Variants in DIAPH3 observed in about 807,000 individuals in gnomAD.
DIAPH3 encodes the protein diaphanous related formin 3.
A neutral mutation model predicts 144.3 loss-of-function variants in DIAPH3; 117 were observed. The observed-to-expected ratio is 0.81, with a 90% CI of 0.70 to 0.95. The LOEUF (loss-of-function observed/expected upper bound fraction) is 0.95. Ranked by LOEUF, DIAPH3 falls within the 40% of genes least tolerant of loss-of-function variation. The pLI, the probability that DIAPH3 is intolerant of heterozygous loss-of-function variation, is 0.00. For missense variants in DIAPH3, 1,421 were observed against 1,412.7 expected, an observed-to-expected ratio of 1.01 and a Z score of -0.09; for synonymous variants, 519 against 488.9, an observed-to-expected ratio of 1.06 and a Z score of -0.81.
chr13:59,865,592 C>T (rs2043870330), intron 21 of DIAPH3, among the ~76,000 whole-genome samples: 1 of 151,952 alleles, frequency 6.6e-6, no homozygotes, highest in Non-Finnish European at 1.5e-5. Flanking sequence ...CTTTAAGGTA[C>T]ATTTAACGTG....
chr13:59,785,140 A>G (rs1452615904), intron 25 of DIAPH3, among the ~76,000 whole-genome samples: 2 of 152,210 alleles, frequency 1.3e-5, no homozygotes, highest in Non-Finnish European at 2.9e-5. Context: ...TTAACTGATA[A>G]AATGATAATC....
chr13:59,763,815 G>A (rs996264864), intron 27 of DIAPH3, among the ~76,000 whole-genome samples: 7 of 151,858 alleles, frequency 4.6e-5, no homozygotes, highest in Admixed American at 3.9e-4. Flanking sequence ...CATATTAAAT[G>A]TTTTCCTCAA....
At chr13:59,701,059 T>C (rs1477540491) in intron 27 of DIAPH3, among the ~76,000 whole-genome samples, 4 of 152,296 alleles carry the variant, frequency 2.6e-5, no homozygotes, top group East Asian at 1.9e-4. Flanking sequence ...TGTATGTATA[T>C]ATACATTGCA....
chr13:59,676,741 C>T (rs895580728), intron 27 of DIAPH3, among the ~76,000 whole-genome samples: 1 of 152,076 alleles, frequency 6.6e-6, no homozygotes, highest in Non-Finnish European at 1.5e-5. Context: ...TCATAGACTC[C>T]TAAAAAATTT....
chr13:60,008,962 TA>T (rs1242162408), intron 8 of DIAPH3, among the ~76,000 whole-genome samples: 6 of 152,150 alleles, frequency 3.9e-5, no homozygotes, highest in Non-Finnish European at 8.8e-5. Flanking sequence ...GTAGGTACTA[TA>T]ATTAACCCGT....
intron 22 of DIAPH3, among the ~76,000 whole-genome samples, chr13:59,844,261 A>C (rs1237134182): frequency 3.9e-5 from 6 of 152,080 alleles, no homozygotes; most frequent in African/African-American, 1.4e-4. Context: ...TTTATGTCTT[A>C]AAAATCTTAA....
At chr13:60,094,554 G>A (rs915412314) in intron 3 of DIAPH3, among the ~76,000 whole-genome samples, 3 of 152,132 alleles carry the variant, frequency 2.0e-5, no homozygotes, top group Non-Finnish European at 2.9e-5. Flanking sequence ...GAATTTCCTC[G>A]TGAACTTAGC....
chr13:60,084,062 A>AT (rs2057670576), intron 4 of DIAPH3, among the ~76,000 whole-genome samples: 23 of 151,328 alleles, frequency 1.5e-4, no homozygotes, highest in Admixed American at 5.9e-4. Context: ...AGATAGATAG[A>AT]AAGAATAAAC....
chr13:60,146,902 T>G (rs892516739), intron 1 of DIAPH3, among the ~76,000 whole-genome samples: 2 of 152,218 alleles, frequency 1.3e-5, no homozygotes, highest in African/African-American at 4.8e-5. Context: ...TACTAAGGAC[T>G]GCAGATCTCA....
intron 27 of DIAPH3, among the ~76,000 whole-genome samples, chr13:59,667,374 T>A (rs1181380740): frequency 6.6e-6 from 1 of 152,234 alleles, no homozygotes; most frequent in African/African-American, 2.4e-5. Context: ...CTTCAGGGCC[T>A]AAAATGGCCC....
chr13:59,814,710 C>A (rs2040671514), intron 24 of DIAPH3, among the ~76,000 whole-genome samples: 1 of 152,178 alleles, frequency 6.6e-6, no homozygotes, highest in South Asian at 2.1e-4. Flanking sequence ...AAACCATCAT[C>A]TTTTCTTGAC....
intron 19 of DIAPH3, among the ~76,000 whole-genome samples, chr13:59,912,314 C>T (rs2047033762): frequency 6.6e-6 from 1 of 152,116 alleles, no homozygotes; most frequent in Non-Finnish European, 1.5e-5. Flanking sequence ...AATGGCAGTG[C>T]TTGCAAGATT....
At chr13:60,069,308 T>C (rs1417161756) in intron 4 of DIAPH3, among the ~76,000 whole-genome samples, 1 of 152,186 alleles carries the variant, frequency 6.6e-6, no homozygotes, top group Non-Finnish European at 1.5e-5. Flanking sequence ...GCTCGTGTCC[T>C]TTGCCCATTT....
chr13:60,012,329 G>C (rs993124561), intron 7 of DIAPH3, among the ~76,000 whole-genome samples: 1 of 152,186 alleles, frequency 6.6e-6, no homozygotes, highest in African/African-American at 2.4e-5. Context: ...ATTTTGGAGA[G>C]ATTACTCTGT....
chr13:60,115,220 C>T (rs1039687444), intron 2 of DIAPH3, among the ~76,000 whole-genome samples: 2 of 152,140 alleles, frequency 1.3e-5, no homozygotes, highest in East Asian at 1.9e-4. Context: ...ATACAATTCA[C>T]GTATCAAGCA....
intron 27 of DIAPH3, among the ~76,000 whole-genome samples, chr13:59,721,856 A>G (rs1231461540): frequency 2.6e-5 from 4 of 151,966 alleles, no homozygotes; most frequent in African/African-American, 7.3e-5. Context: ...TGTGTCCAGA[A>G]GAACAAGAGC....
intron 2 of DIAPH3, among the ~76,000 whole-genome samples, chr13:60,122,188 T>C (rs910295938): frequency 6.6e-6 from 1 of 152,190 alleles, no homozygotes; most frequent in African/African-American, 2.4e-5. Context: ...CACCTTACAC[T>C]GTATGATCTA....
chr13:59,853,754 A>G (rs2043108997), intron 22 of DIAPH3, among the ~76,000 whole-genome samples: 1 of 152,244 alleles, frequency 6.6e-6, no homozygotes, highest in African/African-American at 2.4e-5. Flanking sequence ...TTTTCACACA[A>G]TGACAAAGAA....
intron 21 of DIAPH3, among the ~76,000 whole-genome samples, chr13:59,868,359 C>T (rs2044053709): frequency 6.6e-6 from 1 of 152,040 alleles, no homozygotes; most frequent in South Asian, 2.1e-4. Context: ...GGACCAAATA[C>T]ATTAATTTTA....
Sources: allele counts gnomAD v4.1 joint callset (sites outside exome capture counted in the v4.1 genomes callset), GRCh38; gene constraint gnomAD v4.1.1; transcripts MANE v1.5; gene names NCBI Gene and HGNC (gene_info 2026-07-23, HGNC 2026-07-21).